MPHOSPH8: variants seen among roughly 807,000 people sequenced by gnomAD.
The protein encoded by MPHOSPH8 is M-phase phosphoprotein, mpp.
MPHOSPH8 carries 45 observed loss-of-function variants against 87.3 expected under a neutral mutation model. The ratio of observed to expected loss-of-function variants is 0.52; its 90% CI spans 0.41 to 0.66. MPHOSPH8 has a LOEUF of 0.66. Ranked by LOEUF, MPHOSPH8 falls within the 30% of genes least tolerant of loss-of-function variation. MPHOSPH8 has a pLI of 0.00. For missense variants in MPHOSPH8, 883 were observed against 1,020.2 expected, an observed-to-expected ratio of 0.87 and a Z score of 1.83; for synonymous variants, 366 against 376.9, an observed-to-expected ratio of 0.97 and a Z score of 0.33.
chr13:19,665,459 C>G (rs1258109984), intron 9 of MPHOSPH8, among the ~76,000 whole-genome samples: 2 of 152,206 alleles, frequency 1.3e-5, no homozygotes, highest in African/African-American at 4.8e-5. Flanking sequence ...GCCTCTCACC[C>G]TCCCCGTGGC....
chr13:19,659,525 A>T, intron 7 of MPHOSPH8: 1 of 447,112 alleles, frequency 2.2e-6, no homozygotes, highest in South Asian at 2.2e-5. Flanking sequence ...TTAGCTGGAC[A>T]TGGTGGTGTA....
chr13:19,645,707 T>C (rs1051956715), intron 2 of MPHOSPH8, among the ~76,000 whole-genome samples: 3 of 147,142 alleles, frequency 2.0e-5, no homozygotes, highest in South Asian at 2.1e-4. Flanking sequence ...AGTGAGTCAC[T>C]GCACTCCAGC....
intron 1 of MPHOSPH8, among the ~76,000 whole-genome samples, chr13:19,635,222 T>C (rs1433299910): frequency 6.6e-6 from 1 of 152,190 alleles, no homozygotes; most frequent in Non-Finnish European, 1.5e-5. Context: ...AGGAGGTATT[T>C]GAAAAATATT....
At chr13:19,641,739 G>C (rs931239606) in intron 1 of MPHOSPH8, among the ~76,000 whole-genome samples, 1 of 151,794 alleles carries the variant, frequency 6.6e-6, no homozygotes, top group African/African-American at 2.4e-5. Flanking sequence ...CAGGTGATGC[G>C]CTTGCCTCGG....
In MPHOSPH8 at chr13:19,633,769, A is replaced by G; in HGVS notation, c.21A>G (p.Gly7=). ...CTAGGATGGAGCAGGTTGCGGAGGG[A>G]GCAAGGGTGACCGCAGTCCCTGTGT... is the stretch of plus-strand genomic sequence containing the variant. MEQVAE[G]ARVTAVPVSA... is the part of the protein sequence containing the mutation. Residue 7 remains glycine (G), a synonymous_variant, in exon 1 of 14, where the codon GGA becomes GGG. Transcript: ENST00000361479. 1.9e-6 allele frequency: 3 copies of G among 1,601,286 alleles called. No individual in the cohort carries two copies. The highest frequency in any genetic ancestry group is 1.1e-5 in the South Asian group (1 of 88,664).
At chr13:19,637,691 ATTTCT>A (rs1034319999) in intron 1 of MPHOSPH8, among the ~76,000 whole-genome samples, 5 of 152,230 alleles carry the variant, frequency 3.3e-5, no homozygotes, top group African/African-American at 1.2e-4. Context: ...ATTGACTAAG[ATTTCT>A]TTTCTTTTCC....
intron 4 of MPHOSPH8, among the ~76,000 whole-genome samples, chr13:19,649,170 G>A (rs1181898625): frequency 7.2e-5 from 11 of 152,046 alleles, no homozygotes; most frequent in Non-Finnish European, 1.5e-5. Context: ...TAAAGTGGCT[G>A]TAAGACTGTT....
At chr13:19,657,120 T>TGAA (rs1875230934) in intron 5 of MPHOSPH8, among the ~76,000 whole-genome samples, 1 of 6,422 alleles carries the variant, frequency 1.6e-4, no homozygotes, top group African/African-American at 5.2e-4. Context: ...AAACTCTGTC[T>TGAA]CAAAAAAAAA....
chr13:19,642,040 GTT>G lies in MPHOSPH8; in HGVS notation c.214-60_214-59del, dbSNP rs35022508. On this transcript the variant is annotated intron_variant, in intron 1 of 13. Coordinates refer to ENST00000361479, the MANE Select transcript of MPHOSPH8 (RefSeq NM_017520.4). ...CAAGTTCTTTCATGTCTTCTCATCA[GTT>G]TTTTTTTTTTTTTTGGAAATTTAAT... 449 of 555,118 alleles carry G rather than the reference GTT, an allele frequency of 8.1e-4. 1 individual carries two copies. The highest frequency in any genetic ancestry group is 2.6e-3 in the African/African-American group (128 of 48,494). 34.4% of individuals were successfully genotyped at this position (555,118 alleles called of 1,614,324 possible).
At chr13:19,668,612 G>A (rs1195223849) in intron 11 of MPHOSPH8, 81 bp downstream of exon 11, 21 of 1,405,738 alleles carry the variant, frequency 1.5e-5, no homozygotes, top group Non-Finnish European at 1.4e-5. Context: ...ATCCTTTCTT[G>A]GAACAAAACT....
chr13:19,668,185 A>G (rs540755935), intron 10 of MPHOSPH8, among the ~76,000 whole-genome samples, 192 bp from the exon 11 acceptor site: 17 of 152,206 alleles, frequency 1.1e-4, no homozygotes, highest in African/African-American at 1.9e-4. Context: ...TAGAACTTCA[A>G]TTCCACTGAG....
At chr13:19,668,204 C>G (rs1875921311) in intron 10 of MPHOSPH8, among the ~76,000 whole-genome samples, 173 bp from the exon 11 acceptor site, 1 of 152,206 alleles carries the variant, frequency 6.6e-6, no homozygotes, top group African/African-American at 2.4e-5. Context: ...AGATGGACAA[C>G]AAGACAGACA....
intron 13 of MPHOSPH8, 52 bp downstream of exon 13, chr13:19,671,341 ATTACT>A (rs1322130826): frequency 1.3e-6 from 2 of 1,519,548 alleles, no homozygotes; most frequent in Admixed American, 1.7e-5. Context: ...GTTGCTCCAG[ATTACT>A]TTATCAACAT....
At chr13:19,643,515 G>T (rs886433609) in intron 2 of MPHOSPH8, among the ~76,000 whole-genome samples, 1 of 152,236 alleles carries the variant, frequency 6.6e-6, no homozygotes, top group East Asian at 1.9e-4. Flanking sequence ...CAAAGTGTTG[G>T]TTGGGATTAC....
chr13:19,650,597 T>G (rs1874792265), intron 5 of MPHOSPH8, among the ~76,000 whole-genome samples: 1 of 152,196 alleles, frequency 6.6e-6, no homozygotes, highest in South Asian at 2.1e-4. Context: ...ATAAACTTAT[T>G]TGTATTTTAC....
At chr13:19,652,919 G>A (rs7981668) in intron 5 of MPHOSPH8, among the ~76,000 whole-genome samples, 146,430 of 152,240 alleles carry the variant, frequency 0.96, 70,717 homozygotes, top group East Asian at 1. Context: ...GAAAAAAGGC[G>A]GCAGCCACAG....
Position 19,666,420 on chromosome 13 carries a change from C to T in MPHOSPH8, c.2020-5C>T, listed in dbSNP as rs371983372. On this transcript the variant is annotated splice_region_variant and splice_polypyrimidine_tract_variant and intron_variant, in intron 9 of 13. Coordinates refer to ENST00000361479, the MANE Select transcript of MPHOSPH8 (RefSeq NM_017520.4). The stretch of plus-strand genomic sequence containing the variant: ...GTAATTGTTACTCCTTTTTACCTGA[C>T]GTAGGCCTGTAAAAGAGGAAATTCA... 10 of 1,603,980 alleles carry T rather than the reference C, an allele frequency of 6.2e-6. No individual in the cohort carries two copies. The highest frequency in any genetic ancestry group is 5.3e-5 in the African/African-American group (4 of 74,828).
intron 8 of MPHOSPH8, 85 bp from the exon 9 acceptor site, chr13:19,662,955 C>T (rs1875625895): frequency 2.5e-6 from 3 of 1,180,836 alleles, no homozygotes; most frequent in East Asian, 2.4e-5. Flanking sequence ...GGGTATTTTT[C>T]CTGATGACTA....
At chr13:19,669,302 C>T (rs1331251237) in intron 11 of MPHOSPH8, among the ~76,000 whole-genome samples, 1 of 152,002 alleles carries the variant, frequency 6.6e-6, no homozygotes, top group Non-Finnish European at 1.5e-5. Context: ...CTGCCTCAGC[C>T]TCCCAAAGTG....
Sources: allele counts gnomAD v4.1 joint callset (sites outside exome capture counted in the v4.1 genomes callset), GRCh38; gene constraint gnomAD v4.1.1; transcripts MANE v1.5; gene names NCBI Gene and HGNC (gene_info 2026-07-23, HGNC 2026-07-21).